Variants in ANAPC16 observed in about 807,000 individuals in gnomAD.
The protein encoded by ANAPC16 is anaphase-promoting complex subunit 16.
ANAPC16 carries 6 observed loss-of-function variants against 13.1 expected under a neutral mutation model. That is an observed-to-expected ratio of 0.46 (90% CI 0.25 to 0.90). The LOEUF (loss-of-function observed/expected upper bound fraction) is 0.90. Ranked by LOEUF, ANAPC16 falls within the 40% of genes least tolerant of loss-of-function variation. ANAPC16 has a pLI of 0.18. For synonymous variants in ANAPC16, 55 were observed against 51.3 expected (o/e 1.07, Z -0.31); for missense variants, 113 against 131.1 (o/e 0.86, Z 0.67).
At position 72,223,974 on chromosome 10, in the gene ANAPC16, A is replaced by T; in HGVS notation, c.60A>T (p.Gly20=). 1 of 1,612,174 alleles carries T rather than the reference A, an allele frequency of 6.2e-7. No homozygotes were observed. The highest frequency in any genetic ancestry group is 8.5e-7 in the Non-Finnish European group (1 of 1,178,522). The change falls in exon 2 of 4, where the codon GGA becomes GGT. Residue 20 remains glycine (G), a synonymous_variant. Transcript: ENST00000299381. ...AGGVSGSSVT[G]SGFSVSDLAP... ...GGGTCAGTGGAAGTTCTGTCACTGG[A>T]TCTGGTTTCAGTGTCTCAGACCTTG...
Position 72,223,953 on chromosome 10 carries a change from C to G in ANAPC16, c.39C>G (p.Val13=), listed in dbSNP as rs1860033724. The G allele has an allele frequency of 6.2e-7, 1 of 1,610,776 alleles. No individual in the cohort carries two copies. The highest frequency in any genetic ancestry group is 8.5e-7 in the Non-Finnish European group (1 of 1,177,556). ...ASSSSSSAGG[V]SGSSVTGSGF... The stretch of plus-strand genomic sequence containing the variant: ...CATCATCCTCCTCAGCTGGTGGGGT[C>G]AGTGGAAGTTCTGTCACTGGATCTG... The change falls in exon 2 of 4, where the codon GTC becomes GTG. Residue 13 remains valine, a synonymous_variant. Coordinates refer to ENST00000299381, the MANE Select transcript of ANAPC16 (RefSeq NM_173473.4).
At chr10:72,221,764 C>G (rs1427200865) in intron 1 of ANAPC16, among the ~76,000 whole-genome samples, 1 of 142,610 alleles carries the variant, frequency 7.0e-6, no homozygotes, top group Non-Finnish European at 1.5e-5. Flanking sequence ...GAGTCTCACT[C>G]TTTTGCCCAG....
At chr10:72,228,608 A>C (rs537084649) in intron 2 of ANAPC16, among the ~76,000 whole-genome samples, 73 of 152,302 alleles carry the variant, frequency 4.8e-4, no homozygotes, top group African/African-American at 1.7e-3. Context: ...TCTAAATGGA[A>C]GAGATTGCCC....
chr10:72,233,053 G>A lies in ANAPC16; in HGVS notation c.270G>A (p.Glu90=), dbSNP rs780345444. ...EKLAGLVEEL[E]ADEWRFKPIE... ...TAGCTGGTTTGGTAGAAGAGCTGGA[G>A]GCTGACGAGTGGCGGTTTAAGCCCA... The change falls in exon 4 of 4, where the codon GAG becomes GAA. Residue 90 remains glutamate, a synonymous_variant. Coordinates refer to ENST00000299381, the MANE Select transcript of ANAPC16 (RefSeq NM_173473.4). 5 of 1,614,236 alleles carry A rather than the reference G, an allele frequency of 3.1e-6. No individual in the cohort carries two copies. The highest frequency in any genetic ancestry group is 4.2e-6 in the Non-Finnish European group (5 of 1,180,036).
At chr10:72,230,509 A>G in intron 3 of ANAPC16, 69 bp downstream of exon 3, 6 of 1,309,984 alleles carry the variant, frequency 4.6e-6, no homozygotes, top group Non-Finnish European at 5.5e-6. Flanking sequence ...AGGCTGTGAC[A>G]AAAATCCCCA....
At position 72,234,179 on chromosome 10, in the gene ANAPC16, T is replaced by C. The variant is rs1017986043; in HGVS notation, c.*1063T>C. The C allele has an allele frequency of 3.9e-5, 6 of 152,242 alleles. No homozygotes were observed. The highest frequency in any genetic ancestry group is 7.3e-5 in the Non-Finnish European group (5 of 68,098). 9.4% of individuals were successfully genotyped at this position (152,242 alleles called of 1,614,324 possible). ...CCGCCACCACACCCAGCTAATTTTT[T>C]GTATATTTAGTAGAGACGGGGTTTC... On this transcript the variant is annotated 3_prime_UTR_variant, in exon 4 of 4. Transcript: ENST00000299381.
chr10:72,220,325 C>CA (rs75738117), intron 1 of ANAPC16: 5,538 of 63,608 alleles, frequency 0.087, 350 homozygotes, highest in East Asian at 0.24. Context: ...AACTCCGTCT[C>CA]AAAAAAAAAA....
chr10:72,230,337 AT>A, intron 2 of ANAPC16, 28 bp from the exon 3 acceptor site: 1 of 1,593,658 alleles, frequency 6.3e-7, no homozygotes. Flanking sequence ...TTTAGAGCAG[AT>A]TAAAACCTTT....
At chr10:72,217,992 A>G (rs1859630726) in intron 1 of ANAPC16, among the ~76,000 whole-genome samples, 2 of 151,410 alleles carry the variant, frequency 1.3e-5, no homozygotes, top group East Asian at 1.9e-4. Context: ...CCAAGTCCCA[A>G]GCATTTCGGA....
chr10:72,224,969 A>G (rs2133676952), intron 2 of ANAPC16, among the ~76,000 whole-genome samples: 1 of 152,230 alleles, frequency 6.6e-6, no homozygotes, highest in South Asian at 2.1e-4. Context: ...TGTCATTTGA[A>G]GAGCAAAGAG....
chr10:72,218,276 C>T (rs970595014), intron 1 of ANAPC16, among the ~76,000 whole-genome samples: 3 of 139,454 alleles, frequency 2.2e-5, no homozygotes, highest in Admixed American at 7.6e-5. Flanking sequence ...TGACCTTGAG[C>T]AGTAGGGTAT....
intron 1 of ANAPC16, among the ~76,000 whole-genome samples, chr10:72,221,761 A>C (rs1589709315): frequency 4.1e-5 from 5 of 121,148 alleles, no homozygotes; most frequent in South Asian, 2.6e-4. Flanking sequence ...ACAGAGTCTC[A>C]CTCTTTTGCC....
Position 72,223,867 on chromosome 10 carries a change from G to A in ANAPC16, c.-27-21G>A, listed in dbSNP as rs745863066. ...TCTCACTTCCATAAACTTGCCAATT[G>A]CTGTTTTTCTTTCTCTGTAGTGAAG... is the stretch of plus-strand genomic sequence containing the variant. On this transcript the variant is annotated intron_variant, in intron 1 of 3. Transcript: ENST00000299381. 1.1e-5 allele frequency: 16 copies of A among 1,479,718 alleles called. No individual in the cohort carries two copies. In the East Asian group the frequency reaches 3.9e-4, roughly 36 times the overall value. 91.7% of individuals were successfully genotyped at this position (1,479,718 alleles called of 1,614,324 possible). A position where few individuals can be genotyped will look rare whatever the true frequency, so the allele number is the denominator to read the frequency against.
At position 72,224,058 on chromosome 10, in the gene ANAPC16, T is replaced by C. The variant is rs772659116; in HGVS notation, c.142+2T>C. ...AAGGAGCTGGAGAGATGTTAGAAGGTGATCTCATGCTGCTTTCTGAATAAT... is the reference window on the plus strand; with the variant it reads ...AAGGAGCTGGAGAGATGTTAGAAGGCGATCTCATGCTGCTTTCTGAATAAT... On this transcript the variant is annotated splice_donor_variant, in intron 2 of 3. Transcript: ENST00000299381. LOFTEE classifies it high-confidence loss of function. 1.9e-6 allele frequency: 3 copies of C among 1,582,274 alleles called. No homozygotes were observed. The highest frequency in any genetic ancestry group is 2.6e-6 in the Non-Finnish European group (3 of 1,158,050).
At chr10:72,227,298 T>G (rs1382836023) in intron 2 of ANAPC16, among the ~76,000 whole-genome samples, 7 of 152,238 alleles carry the variant, frequency 4.6e-5, no homozygotes, top group Non-Finnish European at 1.0e-4. Context: ...AGTCTGAATG[T>G]TGATGTTCTA....
chr10:72,219,728 C>G (rs1007442903), intron 1 of ANAPC16, among the ~76,000 whole-genome samples: 1 of 152,158 alleles, frequency 6.6e-6, no homozygotes, highest in Non-Finnish European at 1.5e-5. Context: ...CATAGCGACA[C>G]TCTGTCTCCA....
chr10:72,221,264 A>T (rs1422887050), intron 1 of ANAPC16, among the ~76,000 whole-genome samples: 1 of 152,160 alleles, frequency 6.6e-6, no homozygotes, highest in Non-Finnish European at 1.5e-5. Flanking sequence ...ACATAACATA[A>T]AATTAACCAT....
intron 1 of ANAPC16, among the ~76,000 whole-genome samples, chr10:72,219,589 T>A (rs1319094425): frequency 6.6e-6 from 1 of 151,892 alleles, no homozygotes; most frequent in East Asian, 1.9e-4. Context: ...TAAACAAAAT[T>A]AGTGGGGTGT....
At chr10:72,226,079 G>A (rs1230433660) in intron 2 of ANAPC16, among the ~76,000 whole-genome samples, 7 of 148,550 alleles carry the variant, frequency 4.7e-5, no homozygotes, top group African/African-American at 1.5e-4. Flanking sequence ...GCAGTGGCTC[G>A]ATCTTGGCTC....
Sources: gnomAD v4.1 joint callset for allele counts (sites outside exome capture counted in the v4.1 genomes callset) on GRCh38, gnomAD v4.1.1 for gene constraint, MANE v1.5 for transcripts, NCBI Gene and HGNC (gene_info 2026-07-23, HGNC 2026-07-21) for gene names.